The following KCNJ3 variants were observed in gnomAD, a reference collection of about 807,000 sequenced individuals.
KCNJ3 encodes G protein-activated inward rectifier potassium channel 1.
A neutral mutation model predicts 39.2 loss-of-function variants in KCNJ3; 4 were observed. The ratio of observed to expected loss-of-function variants is 0.10; its 90% CI spans 0.05 to 0.23. The LOEUF (loss-of-function observed/expected upper bound fraction) is 0.23, where lower values mean the gene tolerates loss of function less well. KCNJ3 is among the 10% of genes least tolerant of loss of function. The probability of loss-of-function intolerance (pLI) is 1.00; values close to 1 mark genes in which losing one functional copy is unlikely to be tolerated. For synonymous variants in KCNJ3, 230 were observed against 237.4 expected (o/e 0.97, Z 0.29); for missense variants, 276 against 634.9 (o/e 0.43, Z 6.08).
chr2:154,798,719 C>T (rs923624602), intron 2 of KCNJ3, among the ~76,000 whole-genome samples: 5 of 152,096 alleles, frequency 3.3e-5, no homozygotes, highest in African/African-American at 1.2e-4. Flanking sequence ...GGATTATTAC[C>T]TTAGCATAAT....
At chr2:154,733,305 ACTTCC>A in intron 2 of KCNJ3, among the ~76,000 whole-genome samples, 1 of 152,232 alleles carries the variant, frequency 6.6e-6, no homozygotes. Context: ...TAAGAGTCCT[ACTTCC>A]TGCAAAATTA....
chr2:154,789,433 A>T (rs567593248), intron 2 of KCNJ3, among the ~76,000 whole-genome samples: 1 of 152,190 alleles, frequency 6.6e-6, no homozygotes, highest in Non-Finnish European at 1.5e-5. Context: ...CTAGGGACCT[A>T]CAGTTACCTT....
intron 2 of KCNJ3, among the ~76,000 whole-genome samples, chr2:154,805,076 A>G (rs190148306): frequency 5.6e-4 from 86 of 152,258 alleles, no homozygotes; most frequent in African/African-American, 1.9e-3. Flanking sequence ...AATTTTCCTA[A>G]GAAGTGAACT....
chr2:154,830,210 C>T (rs184228462), intron 2 of KCNJ3, among the ~76,000 whole-genome samples: 1 of 152,302 alleles, frequency 6.6e-6, no homozygotes, highest in African/African-American at 2.4e-5. Flanking sequence ...GCTTCTCCAA[C>T]TCAAATTAGT....
chr2:154,753,348 T>C (rs1685882059), intron 2 of KCNJ3, among the ~76,000 whole-genome samples: 1 of 152,162 alleles, frequency 6.6e-6, no homozygotes, highest in South Asian at 2.1e-4. Flanking sequence ...TATTAAAATT[T>C]TGTTGATACT....
chr2:154,779,522 T>A (rs1302392515), intron 2 of KCNJ3, among the ~76,000 whole-genome samples: 1 of 146,676 alleles, frequency 6.8e-6, no homozygotes, highest in African/African-American at 2.5e-5. Flanking sequence ...ATATATTTTT[T>A]ATATATATAG....
At chr2:154,817,835 T>C (rs1687108316) in intron 2 of KCNJ3, among the ~76,000 whole-genome samples, 1 of 152,056 alleles carries the variant, frequency 6.6e-6, no homozygotes, top group African/African-American at 2.4e-5. Context: ...TACTGTCCAT[T>C]AGTTCCTGTA....
intron 2 of KCNJ3, among the ~76,000 whole-genome samples, chr2:154,740,296 T>G (rs1685630252): frequency 6.6e-6 from 1 of 152,088 alleles, no homozygotes; most frequent in Non-Finnish European, 1.5e-5. Flanking sequence ...TGCCAGTAAT[T>G]AAAAAGGTAC....
intron 2 of KCNJ3, among the ~76,000 whole-genome samples, chr2:154,766,805 C>T (rs1302470507): frequency 2.6e-5 from 4 of 152,116 alleles, no homozygotes; most frequent in South Asian, 2.1e-4. Flanking sequence ...CCGCCCACCT[C>T]GGCCACCGAA....
chr2:154,710,275 C>G (rs1027165994), intron 2 of KCNJ3, among the ~76,000 whole-genome samples: 3 of 151,952 alleles, frequency 2.0e-5, no homozygotes, highest in African/African-American at 4.8e-5. Flanking sequence ...GGAAAATTCC[C>G]TGTGTGTGTG....
At chr2:154,753,276 A>C (rs1574448409) in intron 2 of KCNJ3, among the ~76,000 whole-genome samples, 1 of 152,162 alleles carries the variant, frequency 6.6e-6, no homozygotes, top group Non-Finnish European at 1.5e-5. Flanking sequence ...GGATCATAGT[A>C]ATGTTTATTA....
intron 2 of KCNJ3, among the ~76,000 whole-genome samples, chr2:154,734,842 T>G (rs1685500389): frequency 6.6e-6 from 1 of 152,212 alleles, no homozygotes; most frequent in South Asian, 2.1e-4. Flanking sequence ...GCAAAGATAC[T>G]GTTCTATACT....
At chr2:154,721,632 T>C (rs1685264930) in intron 2 of KCNJ3, among the ~76,000 whole-genome samples, 1 of 152,092 alleles carries the variant, frequency 6.6e-6, no homozygotes, top group South Asian at 2.1e-4. Context: ...CAGAATATTA[T>C]TGGAACCAGA....
intron 2 of KCNJ3, among the ~76,000 whole-genome samples, chr2:154,735,782 T>G (rs2105170827): frequency 6.6e-6 from 1 of 152,282 alleles, no homozygotes; most frequent in South Asian, 2.1e-4. Flanking sequence ...TTCTGCAGAA[T>G]ATTCCACATT....
At chr2:154,829,355 C>T (rs1687324147) in intron 2 of KCNJ3, among the ~76,000 whole-genome samples, 1 of 152,102 alleles carries the variant, frequency 6.6e-6, no homozygotes, top group Non-Finnish European at 1.5e-5. Context: ...TGTTTCACTC[C>T]CACATATAAG....
intron 2 of KCNJ3, among the ~76,000 whole-genome samples, chr2:154,821,733 C>T (rs548230638): frequency 6.7e-6 from 1 of 148,992 alleles, no homozygotes; most frequent in South Asian, 2.1e-4. Flanking sequence ...CTTTGCCTCC[C>T]TCGTTCAAGC....
chr2:154,841,284 A>T (rs1296027945), intron 2 of KCNJ3, among the ~76,000 whole-genome samples: 1 of 152,156 alleles, frequency 6.6e-6, no homozygotes, highest in Non-Finnish European at 1.5e-5. Flanking sequence ...GATGAAGCTG[A>T]CTTGATTGTG....
At chr2:154,748,052 C>A (rs1410410024) in intron 2 of KCNJ3, among the ~76,000 whole-genome samples, 2 of 151,998 alleles carry the variant, frequency 1.3e-5, no homozygotes, top group Non-Finnish European at 2.9e-5. Context: ...CTGCCTCCAT[C>A]TCCCATCCCA....
At chr2:154,756,756 A>G (rs1160672311) in intron 2 of KCNJ3, among the ~76,000 whole-genome samples, 2 of 152,132 alleles carry the variant, frequency 1.3e-5, no homozygotes, top group East Asian at 1.9e-4. Context: ...AACTTAAAGT[A>G]TAATAAAAAT....
Sources: allele counts gnomAD v4.1 joint callset (sites outside exome capture counted in the v4.1 genomes callset), GRCh38; gene constraint gnomAD v4.1.1; transcripts MANE v1.5; gene names NCBI Gene and HGNC (gene_info 2026-07-23, HGNC 2026-07-21).